DIAPH3: variants seen among roughly 807,000 people sequenced by gnomAD.
DIAPH3 encodes diaphanous related formin 3.
A neutral mutation model predicts 144.3 loss-of-function variants in DIAPH3; 117 were observed. The ratio of observed to expected loss-of-function variants is 0.81; its 90% confidence interval spans 0.70 to 0.95. The LOEUF (loss-of-function observed/expected upper bound fraction) is 0.95. Among genes scored for constraint, DIAPH3 ranks in the 40% least tolerant of loss-of-function variants. DIAPH3 has a pLI of 0.00. For synonymous variants in DIAPH3, 519 were observed against 488.9 expected, an observed-to-expected ratio of 1.06 and a Z score of -0.81; for missense variants, 1,421 against 1,412.7, an observed-to-expected ratio of 1.01 and a Z score of -0.09.
chr13:60,161,762 T>C (rs545305045), intron 1 of DIAPH3, among the ~76,000 whole-genome samples: 119 of 152,062 alleles, frequency 7.8e-4, no homozygotes, highest in Middle Eastern at 6.8e-3. Context: ...AACAATCAAG[T>C]AGGAAATGTC....
intron 24 of DIAPH3, among the ~76,000 whole-genome samples, chr13:59,829,030 T>C (rs1010419234): frequency 1.3e-5 from 2 of 151,966 alleles, no homozygotes; most frequent in Admixed American, 6.6e-5. Flanking sequence ...CTGGAACAGA[T>C]ATTCCTTCTT....
chr13:59,882,668 AAAAGG>A (rs987656359), intron 20 of DIAPH3, among the ~76,000 whole-genome samples: 10 of 152,188 alleles, frequency 6.6e-5, no homozygotes, highest in Non-Finnish European at 1.5e-4. Flanking sequence ...AAAAATGAGA[AAAAGG>A]AAAGGGTAAA....
intron 22 of DIAPH3, among the ~76,000 whole-genome samples, chr13:59,851,396 A>G (rs2042960470): frequency 6.6e-6 from 1 of 152,118 alleles, no homozygotes; most frequent in African/African-American, 2.4e-5. Flanking sequence ...TTTCTCAAAG[A>G]CCACTTTCTC....
chr13:60,018,361 C>T (rs1007275711), intron 5 of DIAPH3, among the ~76,000 whole-genome samples: 1 of 152,070 alleles, frequency 6.6e-6, no homozygotes, highest in African/African-American at 2.4e-5. Context: ...ACTTAATATG[C>T]TTATATTATG....
intron 27 of DIAPH3, among the ~76,000 whole-genome samples, chr13:59,752,925 T>C (rs2037085167): frequency 2.0e-5 from 3 of 152,318 alleles, no homozygotes; most frequent in Admixed American, 1.3e-4. Flanking sequence ...TTATCTCTCT[T>C]AAGAACACAT....
At chr13:59,840,981 T>G (rs2042310422) in intron 22 of DIAPH3, among the ~76,000 whole-genome samples, 1 of 152,134 alleles carries the variant, frequency 6.6e-6, no homozygotes, top group Non-Finnish European at 1.5e-5. Context: ...TGCTGTGCAT[T>G]GCTCATAGTG....
At chr13:59,749,243 G>A (rs1383107979) in intron 27 of DIAPH3, among the ~76,000 whole-genome samples, 2 of 140,986 alleles carry the variant, frequency 1.4e-5, no homozygotes, top group Non-Finnish European at 3.0e-5. Flanking sequence ...AAGTACGGCC[G>A]GGTGCAGTGG....
chr13:60,145,985 A>C (rs911374325), intron 1 of DIAPH3, among the ~76,000 whole-genome samples: 62 of 152,166 alleles, frequency 4.1e-4, no homozygotes, highest in African/African-American at 1.5e-3. Flanking sequence ...ATTATTGATA[A>C]AGTTTGAACT....
intron 4 of DIAPH3, among the ~76,000 whole-genome samples, chr13:60,063,458 G>C (rs1220778674): frequency 6.6e-6 from 1 of 152,116 alleles, no homozygotes; most frequent in African/African-American, 2.4e-5. Context: ...AATCACAAAT[G>C]TTCTTGATGG....
Position 59,991,427 on chromosome 13 carries a change from G to A in DIAPH3, c.1245-153C>T, listed in dbSNP as rs148136170. ...ACAGATATTTAGGATTGAGGGTAGT[G>A]GAAAAACTCTGGAAATGGTGACTTA... is the stretch of plus-strand genomic sequence containing the variant. On this transcript the variant is annotated intron_variant, in intron 11 of 27. Transcript: ENST00000400324. Among the ~76,000 whole-genome samples the A allele has an allele frequency of 3.5e-3, 538 of 152,054 alleles. 4 individuals are homozygous for A. Among genetic ancestry groups the A allele is most frequent in the African/African-American group, 0.013 (522 of 41,520 alleles).
intron 21 of DIAPH3, among the ~76,000 whole-genome samples, chr13:59,873,965 C>A (rs949500647): frequency 2.0e-5 from 3 of 152,146 alleles, no homozygotes; most frequent in African/African-American, 7.2e-5. Context: ...AGCCACTGCG[C>A]CTGGCCTCAC....
intron 15 of DIAPH3, among the ~76,000 whole-genome samples, chr13:59,974,035 G>A (rs1422918571): frequency 2.0e-5 from 3 of 152,018 alleles, no homozygotes; most frequent in South Asian, 2.1e-4. Context: ...CTTGTAGTGG[G>A]ATAAAGATCA....
At chr13:59,990,956 C>T (rs1028613542) in intron 12 of DIAPH3, among the ~76,000 whole-genome samples, 9 of 151,834 alleles carry the variant, frequency 5.9e-5, no homozygotes, top group African/African-American at 1.9e-4. Flanking sequence ...ACCAGGAATC[C>T]ACAGGAGCTT....
intron 20 of DIAPH3, among the ~76,000 whole-genome samples, chr13:59,901,498 A>T (rs1014881140): frequency 7.2e-5 from 11 of 152,180 alleles, no homozygotes; most frequent in African/African-American, 2.2e-4. Context: ...TTGCACACAC[A>T]AACACACTCA....
In DIAPH3 at chr13:59,839,875, T is replaced by C. The variant is rs1319653297; in HGVS notation, c.2738-427A>G. ...TAGATGGGAAAGATGGGGAAAAGTG[T>C]TTTTTATTGTCCAAGCTTATCTACA... On this transcript the variant is annotated intron_variant, in intron 22 of 27. Coordinates refer to ENST00000400324, the MANE Select transcript of DIAPH3 (RefSeq NM_001042517.2). Among the ~76,000 whole-genome samples, 4 of 152,144 alleles carry C rather than the reference T, an allele frequency of 2.6e-5. No homozygotes were observed. The East Asian group carries it at 7.7e-4, about 29-fold the overall frequency.
rs1183835388 is a variant in DIAPH3, at chr13:59,714,347, G to A, written c.3320-47501C>T. On this transcript the variant is annotated intron_variant, in intron 27 of 27. Coordinates refer to ENST00000400324, the MANE Select transcript of DIAPH3 (RefSeq NM_001042517.2). Reference sequence around the variant, plus strand: ...TGCACTCCAGCCTGGGCGACAGAGCGAGACTCCGTCTCAAAAAAAAAAAAA... The same window carrying A: ...TGCACTCCAGCCTGGGCGACAGAGCAAGACTCCGTCTCAAAAAAAAAAAAA... Among the ~76,000 whole-genome samples, 56 of 113,998 alleles carry A rather than the reference G, an allele frequency of 4.9e-4. No homozygotes were observed. The East Asian group carries it at 0.012, about 24-fold the overall frequency. The allele number at this position is 113,998 out of a possible 152,430, so 74.8% of individuals were successfully genotyped here.
At chr13:60,049,956 G>A (rs563317579) in intron 4 of DIAPH3, among the ~76,000 whole-genome samples, 58 of 152,308 alleles carry the variant, frequency 3.8e-4, no homozygotes, top group African/African-American at 5.8e-4. Flanking sequence ...TTGGGAGGCT[G>A]GGGCAGGAAG....
At chr13:60,134,009 T>C (rs1171683901) in intron 1 of DIAPH3, among the ~76,000 whole-genome samples, 1 of 152,222 alleles carries the variant, frequency 6.6e-6, no homozygotes, top group Non-Finnish European at 1.5e-5. Context: ...AAGTACACCT[T>C]CATGCTCATG....
intron 27 of DIAPH3, among the ~76,000 whole-genome samples, chr13:59,692,024 A>T (rs2033549237): frequency 6.6e-6 from 1 of 152,126 alleles, no homozygotes. Context: ...AGAATGTAGA[A>T]TACCCCATGT....
Sources: allele counts gnomAD v4.1 joint callset (sites outside exome capture counted in the v4.1 genomes callset), GRCh38; gene constraint gnomAD v4.1.1; transcripts MANE v1.5; gene names NCBI Gene and HGNC (gene_info 2026-07-23, HGNC 2026-07-21).